YTHDF2: variants seen among roughly 807,000 people sequenced by gnomAD.
YTHDF2 encodes YTH domain-containing family protein 2.
In YTHDF2, 2 loss-of-function variants were observed where a neutral mutation model predicts 50.4. That is an observed-to-expected ratio of 0.04 (90% CI 0.02 to 0.12). The LOEUF is 0.12. Ranked by LOEUF, YTHDF2 falls within the 10% of genes least tolerant of loss-of-function variation. The pLI is 1.00. For missense variants in YTHDF2, 483 were observed against 722.6 expected (o/e 0.67, Z 3.80); for synonymous variants, 217 against 255.6 (o/e 0.85, Z 1.44).
intron 4 of YTHDF2, among the ~76,000 whole-genome samples, chr1:28,758,066 A>G (rs1205053249): frequency 6.6e-6 from 1 of 152,202 alleles, no homozygotes; most frequent in Admixed American, 6.5e-5. Flanking sequence ...TTTTGCCCCA[A>G]GGCTCTTTTT....
chr1:28,736,886 T>A (rs1487748195), upstream of YTHDF2: 5 of 391,680 alleles, frequency 1.3e-5, no homozygotes, highest in Non-Finnish European at 2.3e-5. Flanking sequence ...CTTTAGGCGG[T>A]GGGGGGCGGG....
At chr1:28,744,476 G>A (rs1251778826) in intron 4 of YTHDF2, among the ~76,000 whole-genome samples, 1 of 152,172 alleles carries the variant, frequency 6.6e-6, no homozygotes, top group African/African-American at 2.4e-5. Context: ...ACAATTGGCG[G>A]TGTAAAAGAG....
chr1:28,751,366 A>G (rs867727077), intron 4 of YTHDF2, among the ~76,000 whole-genome samples: 3 of 152,176 alleles, frequency 2.0e-5, no homozygotes, highest in Non-Finnish European at 4.4e-5. Flanking sequence ...GCTCCCATTT[A>G]GTATCTTACC....
At chr1:28,768,074 G>A (rs960933065) in intron 4 of YTHDF2, among the ~76,000 whole-genome samples, 5 of 151,836 alleles carry the variant, frequency 3.3e-5, no homozygotes, top group South Asian at 2.1e-4. Context: ...TGGTGGCGGC[G>A]CCTGTAATCC....
In YTHDF2 at chr1:28,743,969, G is replaced by A. The variant is rs745938311; in HGVS notation, c.1699G>A (p.Glu567Lys). Reference protein sequence around the residue: ...FSHYEKRQEEEESVKKERQGR... With the variant: ...FSHYEKRQEEKESVKKERQGR... ...ACACTATGAGAAACGCCAAGAGGAA[G>A]AAGAAAGTGTTAAAAAGGTAACCCA... Residue 567 changes from glutamate (E) to lysine (K), a missense_variant, in exon 4 of 5, where the codon GAA becomes AAA. By Grantham distance (56) the Glu-to-Lys change is moderately conservative. This residue lies in a region of YTHDF2 where 38 missense variants were observed against 60.1 expected (regional missense o/e 0.63). Transcript: ENST00000373812. The surrounding 1 kb of genome is among the most constrained non-coding windows in gnomAD (Gnocchi z 6.9). 7.1e-6 allele frequency: 11 copies of A among 1,545,140 alleles called. No homozygotes were observed. Among genetic ancestry groups the A allele is most frequent in the Non-Finnish European group, 9.6e-6 (11 of 1,151,156 alleles).
chr1:28,744,073 A>G, intron 4 of YTHDF2, 87 bp downstream of exon 4: 1 of 1,362,074 alleles, frequency 7.3e-7, no homozygotes, highest in Non-Finnish European at 9.7e-7. Flanking sequence ...CGTTAATAAA[A>G]ACTCTGTAAA....
chr1:28,740,329 C>G (rs941259902), intron 3 of YTHDF2: 1 of 152,208 alleles, frequency 6.6e-6, no homozygotes, highest in Non-Finnish European at 1.5e-5. Flanking sequence ...CCTGCCAGTT[C>G]AGGTACAGAC....
chr1:28,769,077 C>G lies in YTHDF2; in HGVS notation c.*125C>G. The stretch of plus-strand genomic sequence containing the variant: ...GACTTCAGAGACGATTGCAGACTTG[C>G]AGTTTAAGTATTGGAATTTCACAAA... On this transcript the variant is annotated 3_prime_UTR_variant, in exon 5 of 5. Transcript: ENST00000373812. 1.5e-6 allele frequency: 1 copy of G among 662,638 alleles called. No individual in the cohort carries two copies. Among genetic ancestry groups the G allele is most frequent in the East Asian group, 3.3e-5 (1 of 30,204 alleles). 41.0% of individuals were successfully genotyped at this position (662,638 alleles called of 1,614,324 possible).
At chr1:28,755,766 C>CTGAG (rs2088027195) in intron 4 of YTHDF2, among the ~76,000 whole-genome samples, 1 of 152,166 alleles carries the variant, frequency 6.6e-6, no homozygotes, top group Admixed American at 6.5e-5. Flanking sequence ...AAGTCTGAAA[C>CTGAG]TGAGTGCACA....
intron 1 of YTHDF2, 114 bp downstream of exon 1, chr1:28,737,261 G>T: frequency 7.2e-7 from 1 of 1,391,516 alleles, no homozygotes. Flanking sequence ...CGTCTCTTGC[G>T]GGCCAGGTTT....
chr1:28,737,514 C>A, intron 1 of YTHDF2, 144 bp from the exon 2 acceptor site: 1 of 1,138,326 alleles, frequency 8.8e-7, no homozygotes, highest in Non-Finnish European at 1.2e-6. Context: ...CTCCCATTTT[C>A]AGCCTCTTCC....
chr1:28,737,795 C>T (rs970305024), intron 2 of YTHDF2, 113 bp downstream of exon 2: 1 of 1,265,794 alleles, frequency 7.9e-7, no homozygotes, highest in Non-Finnish European at 1.1e-6. Context: ...GCTTAGTTCG[C>T]AGGTGCCGCA....
At chr1:28,737,370 T>A in intron 1 of YTHDF2, 1 of 636,628 alleles carries the variant, frequency 1.6e-6, no homozygotes, top group Middle Eastern at 4.4e-4. Context: ...CGCGCCGCGT[T>A]CCCTTCTCTC....
intron 1 of YTHDF2, 35 bp from the exon 2 acceptor site, chr1:28,737,623 A>G (rs1459604703): frequency 2.5e-6 from 4 of 1,613,614 alleles, no homozygotes; most frequent in Non-Finnish European, 2.5e-6. Context: ...TCCTTTGGAC[A>G]ACTTGCTGCT....
At chr1:28,750,007 T>TTTG (rs2087926538) in intron 4 of YTHDF2, among the ~76,000 whole-genome samples, 1 of 148,292 alleles carries the variant, frequency 6.7e-6, no homozygotes, top group Non-Finnish European at 1.5e-5. Context: ...TTTTTTTTTT[T>TTTG]GAGATGGAGT....
chr1:28,755,586 G>T (rs374107321), intron 4 of YTHDF2, among the ~76,000 whole-genome samples: 1 of 152,182 alleles, frequency 6.6e-6, no homozygotes, highest in Non-Finnish European at 1.5e-5. Context: ...GAGCCAACAC[G>T]AGTGAGAGAA....
chr1:28,740,092 C>T (rs955628500), intron 3 of YTHDF2, among the ~76,000 whole-genome samples: 7 of 152,094 alleles, frequency 4.6e-5, no homozygotes, highest in Non-Finnish European at 8.8e-5. Context: ...AGTATAGAAA[C>T]CACTTGAGCA....
rs549003840 is a variant in YTHDF2 at position 28,765,692 on chromosome 1, C to T, written c.1717-3237C>T. Among the ~76,000 whole-genome samples the T allele has an allele frequency of 6.6e-5, 10 of 152,178 alleles. No homozygotes were observed. In the East Asian group the frequency reaches 1.9e-3, roughly 29 times the overall value. ...GGTCTTGAACTCCTGGCCTCAAGCACGTCCCCTGCCTCAGCCTTCTAAAGT... is the reference window on the plus strand; with the variant it reads ...GGTCTTGAACTCCTGGCCTCAAGCATGTCCCCTGCCTCAGCCTTCTAAAGT... On this transcript the variant is annotated intron_variant, in intron 4 of 4. Transcript: ENST00000373812.
chr1:28,737,365 C>T lies in YTHDF2; in HGVS notation c.27+218C>T, dbSNP rs894608043. 1.6e-4 allele frequency: 105 copies of T among 649,332 alleles called. No individual in the cohort carries two copies. The East Asian group carries it at 3.1e-3, about 19-fold the overall frequency. 40.2% of individuals were successfully genotyped at this position (649,332 alleles called of 1,614,324 possible). A position where few individuals can be genotyped will look rare whatever the true frequency, so the allele number is the denominator to read the frequency against. On this transcript the variant is annotated intron_variant, in intron 1 of 4. Transcript: ENST00000373812. ...TCGGAGCCCACGGGCCGGGCCGCGC[C>T]GCGTTCCCTTCTCTCGGCGGGCCTC...
Sources: gnomAD v4.1 joint callset for allele counts (sites outside exome capture counted in the v4.1 genomes callset) on GRCh38, gnomAD v4.1.1 for gene constraint, gnomAD v4.1.1 regional missense constraint, Gnocchi (gnomAD v3.1) non-coding constraint, MANE v1.5 for transcripts, NCBI Gene and HGNC (gene_info 2026-07-23, HGNC 2026-07-21) for gene names.